NXPH1: variants seen among roughly 807,000 people sequenced by gnomAD.
The protein encoded by NXPH1 is neurexophilin 1.
A neutral mutation model predicts 23.7 loss-of-function variants in NXPH1; 5 were observed. The observed-to-expected ratio is 0.21, with a 90% CI of 0.11 to 0.44. The LOEUF (loss-of-function observed/expected upper bound fraction) is 0.44, where lower values mean the gene tolerates loss of function less well. NXPH1 is among the 20% of genes least tolerant of loss of function. The pLI is 0.99. For synonymous variants in NXPH1, 144 were observed against 122.2 expected (o/e 1.18, Z -1.18); for missense variants, 324 against 321.6 (o/e 1.01, Z -0.06).
chr7:8,465,798 C>T (rs1816778079), intron 2 of NXPH1, among the ~76,000 whole-genome samples: 1 of 152,206 alleles, frequency 6.6e-6, no homozygotes, highest in African/African-American at 2.4e-5. Flanking sequence ...TCATGTCACA[C>T]AACATGACTC....
Position 8,614,368 on chromosome 7 carries a change from A to G in NXPH1, c.55-136640A>G, listed in dbSNP as rs1396083035. Among the ~76,000 whole-genome samples, 4 of 151,946 alleles carry G rather than the reference A, an allele frequency of 2.6e-5. No homozygotes were observed. The East Asian group carries it at 7.7e-4, about 29-fold the overall frequency. ...CTTCCAAAAGGTTGAACCAGTTTAC[A>G]TTCCTACTGGCTGTTTAAGAGAGGA... On this transcript the variant is annotated intron_variant, in intron 2 of 2. Transcript: ENST00000405863.
chr7:8,462,099 A>C (rs765891396), intron 2 of NXPH1, among the ~76,000 whole-genome samples: 5 of 152,048 alleles, frequency 3.3e-5, no homozygotes, highest in African/African-American at 4.8e-5. Flanking sequence ...CCCAGGCTGG[A>C]GTGCAGTGGC....
intron 2 of NXPH1, among the ~76,000 whole-genome samples, chr7:8,543,170 T>C (rs1818144973): frequency 6.6e-6 from 1 of 151,566 alleles, no homozygotes; most frequent in Non-Finnish European, 1.5e-5. Flanking sequence ...ATACTGCTAC[T>C]ATAAAACTCT....
At chr7:8,700,595 G>A (rs1562458736) in intron 2 of NXPH1, among the ~76,000 whole-genome samples, 3 of 152,124 alleles carry the variant, frequency 2.0e-5, no homozygotes, top group African/African-American at 7.2e-5. Flanking sequence ...TTTAAAAGCA[G>A]CATTAGAGTA....
intron 2 of NXPH1, among the ~76,000 whole-genome samples, chr7:8,611,013 G>A (rs76129937): frequency 0.022 from 3,361 of 152,156 alleles, 127 homozygotes; most frequent in African/African-American, 0.077. Context: ...TAGCCATTGT[G>A]GCTGAAACGC....
intron 2 of NXPH1, among the ~76,000 whole-genome samples, chr7:8,696,840 CAA>C (rs3059126): frequency 1.0e-4 from 10 of 96,970 alleles, no homozygotes; most frequent in South Asian, 7.2e-4. Flanking sequence ...GACTCCCTCT[CAA>C]AAAAAAAAAA....
intron 2 of NXPH1, among the ~76,000 whole-genome samples, chr7:8,724,588 C>T (rs915700470): frequency 6.6e-6 from 1 of 152,232 alleles, no homozygotes; most frequent in East Asian, 1.9e-4. Context: ...TACAGCATCT[C>T]TAGTCATTTT....
intron 2 of NXPH1, among the ~76,000 whole-genome samples, chr7:8,516,974 A>G (rs1817696538): frequency 6.6e-6 from 1 of 152,174 alleles, no homozygotes; most frequent in Non-Finnish European, 1.5e-5. Context: ...GATAGGATTC[A>G]TCATTGAACA....
At chr7:8,618,974 A>G (rs1352914597) in intron 2 of NXPH1, among the ~76,000 whole-genome samples, 2 of 152,178 alleles carry the variant, frequency 1.3e-5, no homozygotes, top group Non-Finnish European at 2.9e-5. Flanking sequence ...TATAAAATTG[A>G]AATCTTTTCA....
intron 2 of NXPH1, among the ~76,000 whole-genome samples, chr7:8,629,481 A>G (rs78378973): frequency 4.3e-4 from 65 of 152,222 alleles, no homozygotes; most frequent in Non-Finnish European, 7.5e-4. Flanking sequence ...GTTGGGGGAG[A>G]TATTTCATTT....
intron 2 of NXPH1, among the ~76,000 whole-genome samples, chr7:8,506,968 G>A (rs768329188): frequency 6.7e-6 from 1 of 149,496 alleles, no homozygotes; most frequent in Non-Finnish European, 1.5e-5. Context: ...GCATGGGTGT[G>A]ACATGATCAG....
chr7:8,457,153 G>A (rs145153453), intron 2 of NXPH1, among the ~76,000 whole-genome samples: 1 of 152,304 alleles, frequency 6.6e-6, no homozygotes, highest in East Asian at 1.9e-4. Context: ...ACCTGTGGAA[G>A]AGGCATTAAT....
intron 2 of NXPH1, among the ~76,000 whole-genome samples, chr7:8,548,698 T>A (rs1818233130): frequency 6.6e-6 from 1 of 151,554 alleles, no homozygotes; most frequent in African/African-American, 2.4e-5. Flanking sequence ...TTAACACAGC[T>A]TTGCTGCTTA....
At chr7:8,632,701 T>C (rs1820154490) in intron 2 of NXPH1, among the ~76,000 whole-genome samples, 1 of 152,218 alleles carries the variant, frequency 6.6e-6, no homozygotes, top group Non-Finnish European at 1.5e-5. Context: ...TACTGTTGCC[T>C]TAACTTACTC....
At chr7:8,627,032 TC>T (rs1820006694) in intron 2 of NXPH1, among the ~76,000 whole-genome samples, 1 of 152,120 alleles carries the variant, frequency 6.6e-6, no homozygotes, top group African/African-American at 2.4e-5. Context: ...TGTTTATATT[TC>T]TGTTTATGTC....
At chr7:8,750,055 A>G (rs1235027372) in intron 2 of NXPH1, among the ~76,000 whole-genome samples, 2 of 152,202 alleles carry the variant, frequency 1.3e-5, no homozygotes, top group Non-Finnish European at 2.9e-5. Flanking sequence ...CATTGACCAC[A>G]TGTTGTTGGT....
intron 2 of NXPH1, among the ~76,000 whole-genome samples, chr7:8,527,567 A>G (rs1282237551): frequency 6.6e-6 from 1 of 152,182 alleles, no homozygotes; most frequent in Non-Finnish European, 1.5e-5. Context: ...ATTAGTTGGG[A>G]CCAGGACTTA....
At chr7:8,618,028 T>A (rs1442775537) in intron 2 of NXPH1, among the ~76,000 whole-genome samples, 1 of 152,118 alleles carries the variant, frequency 6.6e-6, no homozygotes, top group Non-Finnish European at 1.5e-5. Context: ...AAAAATTTTT[T>A]AAAAGTAAAT....
intron 2 of NXPH1, among the ~76,000 whole-genome samples, chr7:8,640,007 T>C (rs979929257): frequency 5.9e-5 from 9 of 152,214 alleles, no homozygotes; most frequent in African/African-American, 2.2e-4. Context: ...TTGACAACTT[T>C]TCTACTCAAT....
Sources: allele counts gnomAD v4.1 joint callset (sites outside exome capture counted in the v4.1 genomes callset), GRCh38; gene constraint gnomAD v4.1.1; transcripts MANE v1.5; gene names NCBI Gene and HGNC (gene_info 2026-07-23, HGNC 2026-07-21).